PTH2R: variants seen among roughly 807,000 people sequenced by gnomAD.
PTH2R encodes the protein parathyroid hormone 2 receptor.
In PTH2R, 59 loss-of-function variants were observed where a neutral mutation model predicts 60.3. The ratio of observed to expected loss-of-function variants is 0.98; its 90% confidence interval spans 0.79 to 1.22. The LOEUF (loss-of-function observed/expected upper bound fraction) is 1.22. Among genes scored for constraint, PTH2R ranks in the 50% most tolerant of loss-of-function variants. The pLI is 0.00. For missense variants in PTH2R, 749 were observed against 682.6 expected, an observed-to-expected ratio of 1.10 and a Z score of -1.08; for synonymous variants, 256 against 243.8, an observed-to-expected ratio of 1.05 and a Z score of -0.47.
intron 10 of PTH2R, among the ~76,000 whole-genome samples, chr2:208,483,938 C>T (rs1218658660): frequency 6.6e-6 from 1 of 152,138 alleles, no homozygotes. Context: ...AATAGCATCT[C>T]ACTTTTTAAA....
intron 1 of PTH2R, among the ~76,000 whole-genome samples, chr2:208,382,504 C>T (rs1016783473): frequency 1.3e-5 from 2 of 152,158 alleles, no homozygotes; most frequent in African/African-American, 4.8e-5. Flanking sequence ...GCGTCCTGGT[C>T]TGTCAGTGTA....
At chr2:208,377,496 A>G (rs1700818557) in intron 1 of PTH2R, among the ~76,000 whole-genome samples, 1 of 144,830 alleles carries the variant, frequency 6.9e-6, no homozygotes, top group African/African-American at 2.6e-5. Context: ...GGCTGGGTGG[A>G]GGCGGGCCCC....
At chr2:208,473,069 C>G (rs1366246987) in intron 9 of PTH2R, among the ~76,000 whole-genome samples, 2 of 152,144 alleles carry the variant, frequency 1.3e-5, no homozygotes, top group East Asian at 3.9e-4. Context: ...GTGGTATATG[C>G]AAGGTCATTA....
chr2:208,477,753 A>T (rs1250901600), intron 9 of PTH2R, among the ~76,000 whole-genome samples: 1 of 151,416 alleles, frequency 6.6e-6, no homozygotes, highest in African/African-American at 2.4e-5. Context: ...CTCTTTTTTT[A>T]AATTTCTTTG....
intron 9 of PTH2R, among the ~76,000 whole-genome samples, chr2:208,468,914 A>C (rs1305316009): frequency 6.6e-6 from 1 of 152,240 alleles, no homozygotes. Flanking sequence ...TGTTGGAAAA[A>C]CAAAACATGC....
Position 208,407,019 on chromosome 2 carries a change from G to A in PTH2R, c.-25G>A. Reference sequence around the variant, plus strand: ...TCCCGGGCTCTGGAGGAGGGTCCCTGCTTCTTCCTACAGCCGTTCCGGGCA... The same window carrying A: ...TCCCGGGCTCTGGAGGAGGGTCCCTACTTCTTCCTACAGCCGTTCCGGGCA... On this transcript the variant is annotated 5_prime_UTR_variant, in exon 1 of 13. Transcript: ENST00000272847. 1 of 1,379,906 alleles carries A rather than the reference G, an allele frequency of 7.2e-7. No individual in the cohort carries two copies. The highest frequency in any genetic ancestry group is 9.4e-7 in the Non-Finnish European group (1 of 1,060,892). 85.5% of individuals were successfully genotyped at this position (1,379,906 alleles called of 1,614,324 possible).
chr2:208,360,190 A>T (rs747001362), exon 1 of PTH2R: 1 of 455,034 alleles, frequency 2.2e-6, no homozygotes, highest in South Asian at 1.6e-5. Context: ...TTTTTCTACG[A>T]TAAATGAAAG....
Position 208,490,677 on chromosome 2 carries a change from A to G in PTH2R, c.1254A>G (p.Gly418=). Residue 418 remains glycine, a synonymous_variant, in exon 12 of 13, where the codon GGA becomes GGG. Transcript: ENST00000272847. ...CTATCATCTACTGCTACTGCAATGG[A>G]GAGGTAGGTTTGTAGGAACCTTGGA... ...FVSIIYCYCN[G]EVQAEVKKMW... 1.2e-6 allele frequency: 2 copies of G among 1,608,894 alleles called. No individual in the cohort carries two copies. Among genetic ancestry groups the G allele is most frequent in the Non-Finnish European group, 1.7e-6 (2 of 1,178,584 alleles).
intron 9 of PTH2R, among the ~76,000 whole-genome samples, chr2:208,467,255 A>G (rs1163924476): frequency 6.6e-6 from 1 of 152,142 alleles, no homozygotes; most frequent in Admixed American, 6.5e-5. Flanking sequence ...AAATGGTGGG[A>G]GCAAGTTTTC....
At chr2:208,491,092 T>G (rs767854481) in intron 12 of PTH2R, among the ~76,000 whole-genome samples, 1 of 152,178 alleles carries the variant, frequency 6.6e-6, no homozygotes, top group Non-Finnish European at 1.5e-5. Context: ...ACAATTTTAG[T>G]TCATTTAGGA....
intron 11 of PTH2R, 110 bp from the exon 12 acceptor site, chr2:208,490,529 C>T (rs1294479601): frequency 3.3e-6 from 3 of 896,836 alleles, no homozygotes; most frequent in African/African-American, 3.4e-5. Context: ...ATATAATTCT[C>T]TGAAGGAATC....
chr2:208,368,629 G>GTTAACATCTA (rs1197461230), intron 1 of PTH2R, among the ~76,000 whole-genome samples: 1 of 152,078 alleles, frequency 6.6e-6, no homozygotes, highest in African/African-American at 2.4e-5. Flanking sequence ...TACTGGTTAG[G>GTTAACATCTA]TTAACATCTA....
At chr2:208,386,366 T>C (rs1403874002) in intron 1 of PTH2R, among the ~76,000 whole-genome samples, 2 of 152,230 alleles carry the variant, frequency 1.3e-5, no homozygotes, top group African/African-American at 4.8e-5. Flanking sequence ...AGCTGTATAA[T>C]TGCATCTGTG....
chr2:208,418,714 CA>C (rs1471953634), intron 1 of PTH2R, among the ~76,000 whole-genome samples: 1 of 151,968 alleles, frequency 6.6e-6, no homozygotes, highest in Non-Finnish European at 1.5e-5. Flanking sequence ...TTTTGTTTTA[CA>C]AAAATGTATC....
At chr2:208,454,959 A>G (rs1702481177) in intron 8 of PTH2R, among the ~76,000 whole-genome samples, 1 of 152,232 alleles carries the variant, frequency 6.6e-6, no homozygotes, top group African/African-American at 2.4e-5. Flanking sequence ...CCTGAAAATT[A>G]GAACTGTACA....
chr2:208,419,025 G>A (rs1701698236), intron 1 of PTH2R, among the ~76,000 whole-genome samples: 1 of 152,052 alleles, frequency 6.6e-6, no homozygotes, highest in African/African-American at 2.4e-5. Context: ...CAATCCTTTG[G>A]GTATATACCC....
At chr2:208,467,426 G>C (rs575009263) in intron 9 of PTH2R, among the ~76,000 whole-genome samples, 1 of 152,192 alleles carries the variant, frequency 6.6e-6, no homozygotes, top group South Asian at 2.1e-4. Flanking sequence ...TGCACTACAC[G>C]CAATCTGCTA....
rs556653653 is a variant in PTH2R at position 208,416,324 on chromosome 2, T to C, written c.75+9206T>C. Among the ~76,000 whole-genome samples the C allele has an allele frequency of 4.6e-5, 7 of 152,352 alleles. No homozygotes were observed. The South Asian group carries it at 1.4e-3, about 32-fold the overall frequency. ...AAATCAATGGTTATTTATTGTATTATTTATCTGCAAGCACTTTGTAGGAAA... is the reference window on the plus strand; with the variant it reads ...AAATCAATGGTTATTTATTGTATTACTTATCTGCAAGCACTTTGTAGGAAA... On this transcript the variant is annotated intron_variant, in intron 1 of 12. Transcript: ENST00000272847.
intron 12 of PTH2R, among the ~76,000 whole-genome samples, chr2:208,492,708 T>A (rs931949075): frequency 1.3e-5 from 2 of 151,842 alleles, no homozygotes; most frequent in African/African-American, 4.8e-5. Flanking sequence ...GAAAGGGGAG[T>A]CATGGGCCTA....
Sources: allele counts gnomAD v4.1 joint callset (sites outside exome capture counted in the v4.1 genomes callset), GRCh38; gene constraint gnomAD v4.1.1; transcripts MANE v1.5; gene names NCBI Gene and HGNC (gene_info 2026-07-23, HGNC 2026-07-21).